PICALM: variants seen among roughly 807,000 people sequenced by gnomAD.
PICALM encodes phosphatidylinositol binding clathrin assembly protein.
In PICALM, 40 loss-of-function variants were observed where a neutral mutation model predicts 80.5. The ratio of observed to expected loss-of-function variants is 0.50; its 90% CI spans 0.39 to 0.65. The LOEUF (loss-of-function observed/expected upper bound fraction) is 0.65, where lower values mean the gene tolerates loss of function less well. Ranked by LOEUF, PICALM falls within the 30% of genes least tolerant of loss-of-function variation. The pLI, the probability that PICALM is intolerant of heterozygous loss-of-function variation, is 0.00. For missense variants in PICALM, 676 were observed against 778.9 expected, an observed-to-expected ratio of 0.87 and a Z score of 1.57; for synonymous variants, 288 against 260.3, an observed-to-expected ratio of 1.11 and a Z score of -1.02.
intron 2 of PICALM, among the ~76,000 whole-genome samples, chr11:86,029,506 C>A (rs2095711438): frequency 6.6e-6 from 1 of 152,152 alleles, no homozygotes; most frequent in Non-Finnish European, 1.5e-5. Flanking sequence ...ATCAAAAAAA[C>A]ACACTAAAAT....
At chr11:85,972,447 C>G (rs1201140709) in intron 19 of PICALM, among the ~76,000 whole-genome samples, 4 of 152,184 alleles carry the variant, frequency 2.6e-5, no homozygotes, top group Admixed American at 2.6e-4. Flanking sequence ...AGAACCCTTC[C>G]AAGTCTGTCT....
At chr11:85,967,160 T>A (rs1349883976) in intron 19 of PICALM, among the ~76,000 whole-genome samples, 1 of 152,184 alleles carries the variant, frequency 6.6e-6, no homozygotes, top group Non-Finnish European at 1.5e-5. Flanking sequence ...TACGGCTATA[T>A]TGAATTTACA....
chr11:85,990,504 G>A lies in PICALM; in HGVS notation c.1259-105C>T, dbSNP rs544418538. 5 of 533,534 alleles carry A rather than the reference G, an allele frequency of 9.4e-6. No individual in the cohort carries two copies. The Admixed American group carries it at 1.6e-4, about 17-fold the overall frequency. The allele number at this position is 533,534 out of a possible 1,614,324, so 33.0% of individuals were successfully genotyped here. ...AGTGAAAAGTAGTAACTATATTATTGTTTATTAATCTTAAATATCTAAATT... is the reference window on the plus strand; with the variant it reads ...AGTGAAAAGTAGTAACTATATTATTATTTATTAATCTTAAATATCTAAATT... On this transcript the variant is annotated intron_variant, in intron 12 of 19. Transcript: ENST00000393346.
At chr11:86,004,924 T>C (rs548116040) in intron 8 of PICALM, among the ~76,000 whole-genome samples, 3 of 152,226 alleles carry the variant, frequency 2.0e-5, no homozygotes, top group African/African-American at 4.8e-5. Flanking sequence ...CCAGCAAAAA[T>C]GTTTGCTAAT....
rs150385671 is a variant in PICALM, at chr11:85,976,557, G to C, written c.1839+66C>G. ...ACTAAATTCTTTTTTAGGTTAAATT[G>C]TAATAAAAACATGTTATATATGAAT... is the stretch of plus-strand genomic sequence containing the variant. On this transcript the variant is annotated intron_variant, in intron 18 of 19. Transcript: ENST00000393346. 1.2e-3 allele frequency: 1,189 copies of C among 975,088 alleles called. 3 individuals carry two copies. The highest frequency in any genetic ancestry group is 1.8e-3 in the Non-Finnish European group (1,086 of 601,612). The allele number at this position is 975,088 out of a possible 1,614,324, so 60.4% of individuals were successfully genotyped here. A position where few individuals can be genotyped will look rare whatever the true frequency, so the allele number is the denominator to read the frequency against.
At chr11:86,069,654 T>C (rs892281378), upstream of PICALM, 1 of 152,222 alleles carries the variant, frequency 6.6e-6, no homozygotes, top group Non-Finnish European at 1.5e-5. Flanking sequence ...AAACGGCCTA[T>C]TTTCTGAACC....
intron 1 of PICALM, among the ~76,000 whole-genome samples, chr11:86,036,457 GCTGA>G (rs1013251878): frequency 2.6e-4 from 39 of 152,222 alleles, no homozygotes; most frequent in African/African-American, 9.4e-4. Flanking sequence ...CTCTTCACAG[GCTGA>G]CTTACACCTT....
rs1431784920 is a variant in PICALM at position 86,001,043 on chromosome 11, C to T, written c.1009G>A (p.Ala337Thr). 1 of 1,614,032 alleles carries T rather than the reference C, an allele frequency of 6.2e-7. No individual in the cohort carries two copies. The highest frequency in any genetic ancestry group is 1.1e-5 in the South Asian group (1 of 91,078). ...AGAATGCACAAACTTACCTTTAAAG[C>T]TTTCAAACGTGCCTGTTCTTCCTCT... ...ALEEEQARLKALKEQRLKELA... is the reference protein window; with the variant it reads ...ALEEEQARLKTLKEQRLKELA... Residue 337 changes from alanine to threonine, a missense_variant, in exon 10 of 20, where the codon GCT becomes ACT. Physicochemically the swap from Ala to Thr is moderately conservative, Grantham distance 58. Coordinates refer to ENST00000393346, the MANE Select transcript of PICALM (RefSeq NM_007166.4).
intron 13 of PICALM, among the ~76,000 whole-genome samples, chr11:85,985,882 G>A (rs2094557353): frequency 6.6e-6 from 1 of 152,076 alleles, no homozygotes; most frequent in Non-Finnish European, 1.5e-5. Flanking sequence ...ATTTTCTCCT[G>A]CTACTTTGCC....
chr11:85,978,266 T>C (rs377457728), intron 17 of PICALM: 61 of 552,684 alleles, frequency 1.1e-4, no homozygotes, highest in East Asian at 8.8e-4. Flanking sequence ...TAAAACACTA[T>C]CAAGGTTGAC....
intron 1 of PICALM, among the ~76,000 whole-genome samples, chr11:86,045,981 A>C (rs545299320): frequency 6.6e-6 from 1 of 152,264 alleles, no homozygotes; most frequent in Admixed American, 6.5e-5. Context: ...ACTAGTTTTT[A>C]CTTTCATTGC....
At chr11:85,976,540 C>G in intron 18 of PICALM, 83 bp downstream of exon 18, 1 of 862,370 alleles carries the variant, frequency 1.2e-6, no homozygotes, top group Non-Finnish European at 2.0e-6. Context: ...GCACTAAATT[C>G]TTTTTTAGGT....
chr11:86,050,270 CA>C (rs372289909), intron 1 of PICALM, among the ~76,000 whole-genome samples: 6 of 147,714 alleles, frequency 4.1e-5, no homozygotes, highest in Non-Finnish European at 6.0e-5. Context: ...AAGGCCCCCC[CA>C]AAAAAAAAGC....
chr11:86,002,959 T>C (rs567497262), intron 9 of PICALM, among the ~76,000 whole-genome samples: 127 of 151,996 alleles, frequency 8.4e-4, no homozygotes, highest in Middle Eastern at 3.4e-3. Context: ...TGCAAGTGAG[T>C]TGAGATTGTG....
intron 12 of PICALM, among the ~76,000 whole-genome samples, chr11:85,994,795 C>T (rs2094904002): frequency 6.6e-6 from 1 of 152,142 alleles, no homozygotes; most frequent in South Asian, 2.1e-4. Flanking sequence ...TTTCCGCCTC[C>T]GGGGTTCAAG....
chr11:86,007,420 T>C, intron 8 of PICALM, 122 bp downstream of exon 8: 1 of 629,988 alleles, frequency 1.6e-6, no homozygotes, highest in South Asian at 1.6e-5. Flanking sequence ...CATCAAAATG[T>C]TAAAACTGGT....
chr11:85,983,915 A>C lies in PICALM; in HGVS notation c.1467T>G (p.Phe489Leu), dbSNP rs2094510097. 1.2e-6 allele frequency: 2 copies of C among 1,606,226 alleles called. No homozygotes were observed. The highest frequency in any genetic ancestry group is 2.7e-5 in the African/African-American group (2 of 74,758). The change falls in exon 14 of 20, where the codon TTT becomes TTG. Residue 489 changes from phenylalanine (F) to leucine (L), a missense_variant. Phe to Leu is a conservative substitution (Grantham distance 22). Around this residue, in one of 2 missense-constraint regions of PICALM, gnomAD observed 391 missense variants for 383.6 expected, o/e 1.02. Coordinates refer to ENST00000393346, the MANE Select transcript of PICALM (RefSeq NM_007166.4). ...TAGATTTATTTCCAAACACAGATTC[A>C]AAGTCAACATTAAGGCCAGCTGAAG... ...PHPSAGLNVD[F>L]ESVFGNKSTN... is the part of the protein sequence containing the mutation.
chr11:86,001,461 C>A (rs2095141906), intron 9 of PICALM, among the ~76,000 whole-genome samples: 3 of 152,318 alleles, frequency 2.0e-5, no homozygotes, highest in Admixed American at 6.5e-5. Context: ...GAAACCAGTG[C>A]AATTGGGAAA....
chr11:85,986,527 A>C lies in PICALM; in HGVS notation c.1409-2554T>G, dbSNP rs566287245. The stretch of plus-strand genomic sequence containing the variant: ...TGCCTCAGCCTCCCGAGTAGCTGGG[A>C]CTACAGGCGCCCGCCACCGCGCCCG... On this transcript the variant is annotated intron_variant, in intron 13 of 19. Coordinates refer to ENST00000393346, the MANE Select transcript of PICALM (RefSeq NM_007166.4). Among the ~76,000 whole-genome samples, 99 of 151,346 alleles carry C rather than the reference A, an allele frequency of 6.5e-4. 1 individual carries two copies. Among genetic ancestry groups the C allele is most frequent in the Admixed American group, 4.7e-3 (72 of 15,208 alleles).
Sources: gnomAD v4.1 joint callset for allele counts (sites outside exome capture counted in the v4.1 genomes callset) on GRCh38, gnomAD v4.1.1 for gene constraint, gnomAD v4.1.1 regional missense constraint, MANE v1.5 for transcripts, NCBI Gene and HGNC (gene_info 2026-07-23, HGNC 2026-07-21) for gene names.